The following TM2D1 variants were observed in gnomAD, a reference collection of about 807,000 sequenced individuals.
TM2D1 encodes the protein TM2 domain-containing protein 1.
TM2D1 carries 15 observed loss-of-function variants against 28.4 expected under a neutral mutation model. The ratio of observed to expected loss-of-function variants is 0.53; its 90% CI spans 0.35 to 0.81. TM2D1 has a LOEUF of 0.81. TM2D1 is among the 40% of genes least tolerant of loss of function. The pLI, the probability that TM2D1 is intolerant of heterozygous loss-of-function variation, is 0.01. For synonymous variants in TM2D1, 93 were observed against 96.2 expected, an observed-to-expected ratio of 0.97 and a Z score of 0.20; for missense variants, 236 against 254.9, an observed-to-expected ratio of 0.93 and a Z score of 0.50.
chr1:61,697,371 T>C (rs1319471038), intron 4 of TM2D1: 1 of 152,012 alleles, frequency 6.6e-6, no homozygotes, highest in Non-Finnish European at 1.5e-5. Flanking sequence ...CCTTCTTTCC[T>C]TTGCAGGGTC....
At chr1:61,711,981 C>T (rs1644482496) in intron 2 of TM2D1, among the ~76,000 whole-genome samples, 1 of 151,890 alleles carries the variant, frequency 6.6e-6, no homozygotes, top group Non-Finnish European at 1.5e-5. Flanking sequence ...ATCCTCCTGC[C>T]TCAGCCACTC....
intron 2 of TM2D1, among the ~76,000 whole-genome samples, chr1:61,710,475 T>C (rs201000886): frequency 0.12 from 14,190 of 119,464 alleles, 1,614 homozygotes; most frequent in African/African-American, 0.29. Flanking sequence ...TATATATATA[T>C]ACACACACAC....
chr1:61,697,561 TAC>T (rs1380296067), intron 4 of TM2D1: 1 of 29,308 alleles, frequency 3.4e-5, no homozygotes, highest in Non-Finnish European at 1.3e-4. Context: ...TAAAATGACA[TAC>T]AATGACCTAA....
At chr1:61,719,380 A>G (rs1338817580) in intron 2 of TM2D1, among the ~76,000 whole-genome samples, 2 of 151,254 alleles carry the variant, frequency 1.3e-5, no homozygotes, top group African/African-American at 4.9e-5. Context: ...ACACAAAAGT[A>G]TTTCTAGTGG....
intron 4 of TM2D1, chr1:61,696,314 G>C (rs1405420304): frequency 6.6e-6 from 1 of 152,212 alleles, no homozygotes; most frequent in Non-Finnish European, 1.5e-5. Context: ...CGAGGCAGGT[G>C]GATCACCTGA....
intron 2 of TM2D1, among the ~76,000 whole-genome samples, chr1:61,718,097 T>C (rs1313936257): frequency 6.6e-6 from 1 of 152,114 alleles, no homozygotes; most frequent in Non-Finnish European, 1.5e-5. Flanking sequence ...GCAAGTGGAT[T>C]GCTTGAGCTC....
At chr1:61,696,381 A>G (rs1644362784) in intron 4 of TM2D1, 1 of 152,236 alleles carries the variant, frequency 6.6e-6, no homozygotes, top group Non-Finnish European at 1.5e-5. Context: ...TCTACTAAAA[A>G]TACAAAAATT....
chr1:61,706,595 G>C (rs2148054263), intron 3 of TM2D1, among the ~76,000 whole-genome samples: 1 of 152,026 alleles, frequency 6.6e-6, no homozygotes, highest in South Asian at 2.1e-4. Flanking sequence ...GATCACCTGA[G>C]GTCAGGAGTT....
chr1:61,701,271 A>T (rs1644398410), intron 3 of TM2D1, among the ~76,000 whole-genome samples: 1 of 151,020 alleles, frequency 6.6e-6, no homozygotes, highest in African/African-American at 2.4e-5. Flanking sequence ...ATATTTAAAA[A>T]ATAAATCATA....
chr1:61,688,495 C>A (rs532067402), intron 5 of TM2D1, among the ~76,000 whole-genome samples: 1 of 152,266 alleles, frequency 6.6e-6, no homozygotes, highest in East Asian at 1.9e-4. Flanking sequence ...GAGGCTGAGG[C>A]GGGCAGGTAA....
At chr1:61,702,382 T>C (rs1644408431) in intron 3 of TM2D1, among the ~76,000 whole-genome samples, 1 of 151,220 alleles carries the variant, frequency 6.6e-6, no homozygotes, top group African/African-American at 2.4e-5. Context: ...ATTTCTTTTT[T>C]TTTTGAGATG....
At chr1:61,711,406 T>C (rs1210410458) in intron 2 of TM2D1, among the ~76,000 whole-genome samples, 2 of 151,338 alleles carry the variant, frequency 1.3e-5, no homozygotes, top group Non-Finnish European at 2.9e-5. Context: ...TCCCAGCACT[T>C]TGGGATATAG....
chr1:61,701,733 C>A (rs1053142298), intron 3 of TM2D1, among the ~76,000 whole-genome samples: 1 of 151,946 alleles, frequency 6.6e-6, no homozygotes, highest in African/African-American at 2.4e-5. Context: ...TGGAATAGGG[C>A]ACCAAACTAG....
At chr1:61,706,147 C>T (rs1644438790) in intron 3 of TM2D1, among the ~76,000 whole-genome samples, 1 of 152,160 alleles carries the variant, frequency 6.6e-6, no homozygotes, top group East Asian at 1.9e-4. Flanking sequence ...GCCACTCTTA[C>T]CATCAAAATT....
intron 5 of TM2D1, among the ~76,000 whole-genome samples, chr1:61,686,487 T>C (rs1021141996): frequency 6.6e-6 from 1 of 150,482 alleles, no homozygotes; most frequent in African/African-American, 2.5e-5. Flanking sequence ...CAAAACCCAG[T>C]ATCTACAAAA....
chr1:61,704,623 G>A (rs767950471), intron 3 of TM2D1, among the ~76,000 whole-genome samples: 1 of 151,890 alleles, frequency 6.6e-6, no homozygotes, highest in African/African-American at 2.4e-5. Context: ...GTAGAGACAG[G>A]GTTTCACCTT....
chr1:61,697,319 T>C (rs576554670), intron 4 of TM2D1, among the ~76,000 whole-genome samples: 2 of 152,210 alleles, frequency 1.3e-5, no homozygotes, highest in South Asian at 4.2e-4. Context: ...TTTTCTTTTT[T>C]TCTTTCCCTC....
At chr1:61,698,899 A>G (rs1445168578) in intron 4 of TM2D1, 2 of 152,178 alleles carry the variant, frequency 1.3e-5, no homozygotes, top group Non-Finnish European at 2.9e-5. Flanking sequence ...ATTGAATTTT[A>G]GATTTTGTCT....
intron 6 of TM2D1, among the ~76,000 whole-genome samples, chr1:61,681,730 C>T (rs1644244937): frequency 6.6e-6 from 1 of 152,180 alleles, no homozygotes; most frequent in African/African-American, 2.4e-5. Context: ...CACAATCCTT[C>T]TCATAAAATA....
Sources: gnomAD v4.1 joint callset for allele counts (sites outside exome capture counted in the v4.1 genomes callset) on GRCh38, gnomAD v4.1.1 for gene constraint, MANE v1.5 for transcripts, NCBI Gene and HGNC (gene_info 2026-07-23, HGNC 2026-07-21) for gene names.